LMBRD1: variants seen among roughly 807,000 people sequenced by gnomAD.
LMBRD1 encodes the protein lysosomal cobalamin transport escort protein LMBD1.
In LMBRD1, 64 loss-of-function variants were observed where a neutral mutation model predicts 74.8. That is an observed-to-expected ratio of 0.86 (90% CI 0.70 to 1.05). LMBRD1 has a LOEUF of 1.05. Ranked by LOEUF, LMBRD1 falls within the 50% of genes least tolerant of loss-of-function variation. The pLI, the probability that LMBRD1 is intolerant of heterozygous loss-of-function variation, is 0.00. For missense variants in LMBRD1, 652 were observed against 645.9 expected, an observed-to-expected ratio of 1.01 and a Z score of -0.10; for synonymous variants, 204 against 216.3, an observed-to-expected ratio of 0.94 and a Z score of 0.50.
intron 14 of LMBRD1, among the ~76,000 whole-genome samples, chr6:69,683,065 C>T (rs921562422): frequency 1.3e-5 from 2 of 151,948 alleles, no homozygotes; most frequent in East Asian, 1.9e-4. Context: ...CTTTACTATA[C>T]TATTTTAGTT....
At chr6:69,713,461 C>T (rs1160988072) in intron 9 of LMBRD1, among the ~76,000 whole-genome samples, 184 bp downstream of exon 9, 1 of 151,988 alleles carries the variant, frequency 6.6e-6, no homozygotes, top group Admixed American at 6.6e-5. Context: ...TAATACATTG[C>T]TCAGAAAGGT....
intron 3 of LMBRD1, among the ~76,000 whole-genome samples, chr6:69,772,268 T>C (rs905240895): frequency 2.6e-5 from 4 of 152,126 alleles, no homozygotes. Context: ...ACAGAACAGG[T>C]TCAAGGATTA....
chr6:69,676,660 G>C lies in LMBRD1; in HGVS notation c.1418-119C>G, dbSNP rs574972326. 1.3e-3 allele frequency: 1,012 copies of C among 801,452 alleles called. 5 individuals carry two copies. Among genetic ancestry groups the C allele is most frequent in the Non-Finnish European group, 1.0e-3 (475 of 475,782 alleles). The allele number at this position is 801,452 out of a possible 1,614,324, so 49.6% of individuals were successfully genotyped here. A position where few individuals can be genotyped will look rare whatever the true frequency, so the allele number is the denominator to read the frequency against. On this transcript the variant is annotated intron_variant, in intron 14 of 15. Coordinates refer to ENST00000649934, the MANE Select transcript of LMBRD1 (RefSeq NM_018368.4). ...GACTAAGATCATATGGCTAGTAAGTGTCAGAGATGGTACTGAAACTTAGGT... is the reference window on the plus strand; with the variant it reads ...GACTAAGATCATATGGCTAGTAAGTCTCAGAGATGGTACTGAAACTTAGGT...
chr6:69,774,739 T>C (rs1395958018), intron 3 of LMBRD1, among the ~76,000 whole-genome samples: 3 of 151,820 alleles, frequency 2.0e-5, no homozygotes, highest in African/African-American at 7.3e-5. Context: ...GCATAGCAGG[T>C]CTAAATACAA....
In LMBRD1 at chr6:69,674,086, G is replaced by T. The variant is rs1010992394; in HGVS notation, c.*2072C>A. ...CAAGATTAAAGGGTTGACAACACTG[G>T]ATTCTCCTGAGGCCTCTCCTGTTGG... On this transcript the variant is annotated 3_prime_UTR_variant, in exon 16 of 16. Coordinates refer to ENST00000649934, the MANE Select transcript of LMBRD1 (RefSeq NM_018368.4). Among the ~76,000 whole-genome samples, 2 of 152,150 alleles carry T rather than the reference G, an allele frequency of 1.3e-5. No homozygotes were observed. Among genetic ancestry groups the T allele is most frequent in the Admixed American group, 6.5e-5 (1 of 15,270 alleles).
intron 9 of LMBRD1, among the ~76,000 whole-genome samples, chr6:69,713,403 A>G (rs1766424205): frequency 6.6e-6 from 1 of 152,108 alleles, no homozygotes; most frequent in Non-Finnish European, 1.5e-5. Context: ...CTAGCAGCAT[A>G]TTGCAATACT....
In LMBRD1 at chr6:69,713,674, T is replaced by C; in HGVS notation, c.886A>G (p.Lys296Glu). The C allele has an allele frequency of 2.5e-6, 4 of 1,613,614 alleles. No individual in the cohort carries two copies. Among genetic ancestry groups the C allele is most frequent in the Non-Finnish European group, 3.4e-6 (4 of 1,179,648 alleles). The change falls in exon 9 of 16, where the codon AAA becomes GAA. Residue 296 changes from lysine (K) to glutamate (E), a missense_variant. Coordinates refer to ENST00000649934, the MANE Select transcript of LMBRD1 (RefSeq NM_018368.4). ...AGGGGACGCAGAGCGCCACAAAATTTTGTCCACCAGCTGTTTTCAATGAAT... is the reference window on the plus strand; with the variant it reads ...AGGGGACGCAGAGCGCCACAAAATTCTGTCCACCAGCTGTTTTCAATGAAT... ...LEFIENSWWTKFCGALRPLKI... is the reference protein window; with the variant it reads ...LEFIENSWWTEFCGALRPLKI...
chr6:69,784,322 G>A (rs755048825), intron 2 of LMBRD1, among the ~76,000 whole-genome samples: 59 of 152,278 alleles, frequency 3.9e-4, no homozygotes, highest in Non-Finnish European at 6.2e-4. Context: ...GTAATTGGTC[G>A]CATATGTAAA....
intron 5 of LMBRD1, among the ~76,000 whole-genome samples, chr6:69,748,456 C>T (rs2502553): frequency 0.88 from 134,432 of 152,100 alleles, 59,777 homozygotes; most frequent in East Asian, 1. Context: ...GTAAAAAGAA[C>T]TGAAAATATG....
chr6:69,716,177 C>A (rs576742021), intron 8 of LMBRD1, among the ~76,000 whole-genome samples: 1 of 152,272 alleles, frequency 6.6e-6, no homozygotes, highest in Non-Finnish European at 1.5e-5. Flanking sequence ...ACTTTTAGTT[C>A]TTTGTGGAAT....
chr6:69,782,597 CT>C (rs1248481679), intron 2 of LMBRD1, among the ~76,000 whole-genome samples: 1 of 151,922 alleles, frequency 6.6e-6, no homozygotes, highest in African/African-American at 2.4e-5. Flanking sequence ...ATGAGAATTG[CT>C]TTAACTTGGG....
rs112109203 is a variant in LMBRD1, at chr6:69,674,952, G to A, written c.*1206C>T. Among the ~76,000 whole-genome samples the A allele has an allele frequency of 0.017, 2,534 of 152,040 alleles. 29 individuals are homozygous for A. The highest frequency in any genetic ancestry group is 0.028 in the Non-Finnish European group (1,928 of 67,962). ...CGTGCCATTGCACTCCAGCCTGGGC[G>A]ACAAGAGTGAAACTCCATCTTAAAA... On this transcript the variant is annotated 3_prime_UTR_variant, in exon 16 of 16. Transcript: ENST00000649934.
intron 13 of LMBRD1, 146 bp from the exon 14 acceptor site, chr6:69,697,787 C>G: frequency 1.7e-6 from 1 of 577,960 alleles, no homozygotes; most frequent in Non-Finnish European, 3.1e-6. Flanking sequence ...CAACATTGCT[C>G]TTAGAAGAAA....
At chr6:69,676,406 T>A (rs1179641511) in intron 15 of LMBRD1, 44 bp downstream of exon 15, 1 of 1,590,746 alleles carries the variant, frequency 6.3e-7, no homozygotes, top group Admixed American at 1.7e-5. Flanking sequence ...TTAACTATAA[T>A]TTATAAAGGA....
chr6:69,754,649 C>T (rs1252535763), intron 3 of LMBRD1, among the ~76,000 whole-genome samples: 4 of 152,158 alleles, frequency 2.6e-5, no homozygotes, highest in Admixed American at 2.6e-4. Context: ...GGTGTTTCTA[C>T]TACAAACCAA....
chr6:69,697,841 C>T (rs1476993703), intron 13 of LMBRD1, among the ~76,000 whole-genome samples, 200 bp from the exon 14 acceptor site: 1 of 151,910 alleles, frequency 6.6e-6, no homozygotes, highest in Non-Finnish European at 1.5e-5. Flanking sequence ...TGCAATAATC[C>T]TTTAGGTCCT....
At chr6:69,763,241 A>G (rs553970588) in intron 3 of LMBRD1, among the ~76,000 whole-genome samples, 19 of 151,972 alleles carry the variant, frequency 1.3e-4, no homozygotes, top group African/African-American at 4.6e-4. Flanking sequence ...AAAGAAAAAA[A>G]AAAAAGGAAT....
intron 8 of LMBRD1, among the ~76,000 whole-genome samples, chr6:69,715,140 C>A (rs1766462244): frequency 6.6e-6 from 1 of 152,068 alleles, no homozygotes. Context: ...ACACTCCCTT[C>A]TGGAAGATAA....
At chr6:69,686,286 T>C (rs1273769588) in intron 14 of LMBRD1, among the ~76,000 whole-genome samples, 1 of 152,190 alleles carries the variant, frequency 6.6e-6, no homozygotes, top group Non-Finnish European at 1.5e-5. Flanking sequence ...CAGGTTAGCA[T>C]CTTTATTTTT....
Sources: gnomAD v4.1 joint callset for allele counts (sites outside exome capture counted in the v4.1 genomes callset) on GRCh38, gnomAD v4.1.1 for gene constraint, MANE v1.5 for transcripts, NCBI Gene and HGNC (gene_info 2026-07-23, HGNC 2026-07-21) for gene names.